PTPN6: variants seen among roughly 807,000 people sequenced by gnomAD.
PTPN6 encodes protein tyrosine phosphatase non-receptor type 6.
Under a neutral mutation model 81.5 loss-of-function variants are expected in PTPN6, and 18 were observed. The ratio of observed to expected loss-of-function variants is 0.22; its 90% CI spans 0.15 to 0.33. The LOEUF is 0.33. Ranked by LOEUF, PTPN6 falls within the 10% of genes least tolerant of loss-of-function variation. The pLI is 1.00. For synonymous variants in PTPN6, 301 were observed against 310.9 expected (o/e 0.97, Z 0.33); for missense variants, 500 against 794.2 (o/e 0.63, Z 4.45).
rs782489874 is a variant in PTPN6 at position 6,959,560 on chromosome 12, G to A, written c.1362-367G>A. The stretch of plus-strand genomic sequence containing the variant: ...AGAGACGCTCCATAACTCCTTCAGG[G>A]AGAGGCGGGGAGGGCTCAGGGTACC... On this transcript the variant is annotated intron_variant, in intron 11 of 15. Coordinates refer to ENST00000318974, the MANE Select transcript of PTPN6 (RefSeq NM_002831.6). The surrounding 1 kb of genome is among the most constrained non-coding windows in gnomAD (Gnocchi z 6.6). 1.1e-5 allele frequency: 5 copies of A among 457,714 alleles called. No homozygotes were observed. In the East Asian group the frequency reaches 2.1e-4, roughly 19 times the overall value. The allele number at this position is 457,714 out of a possible 1,614,324, so 28.4% of individuals were successfully genotyped here.
Position 6,955,889 on chromosome 12 carries a change from T to A in PTPN6, c.844+133T>A. The A allele has an allele frequency of 1.1e-6, 1 of 878,264 alleles. No individual in the cohort carries two copies. Among genetic ancestry groups the A allele is most frequent in the Non-Finnish European group, 1.8e-6 (1 of 557,520 alleles). The allele number at this position is 878,264 out of a possible 1,614,324, so 54.4% of individuals were successfully genotyped here. On this transcript the variant is annotated intron_variant, in intron 7 of 15. Transcript: ENST00000318974. The surrounding 1 kb of genome is among the most constrained non-coding windows in gnomAD (Gnocchi z 7.2). ...CACCCCCCACAGAGCCTCCCCCTTC[T>A]CCAAAAGGCCTCTACTCCTCCCAGA...
At chr12:6,948,278 T>C (rs1945860716), upstream of PTPN6, among the ~76,000 whole-genome samples, 1 of 151,872 alleles carries the variant, frequency 6.6e-6, no homozygotes, top group Non-Finnish European at 1.5e-5. Flanking sequence ...CTACTACTAC[T>C]ACTAATAAAT....
upstream of PTPN6, among the ~76,000 whole-genome samples, chr12:6,949,691 T>G (rs1358481790): frequency 1.3e-5 from 2 of 152,106 alleles, no homozygotes; most frequent in African/African-American, 4.8e-5. Flanking sequence ...GTTAAGCTCA[T>G]TTGTCAGGCG....
chr12:6,960,992 T>C lies in PTPN6; in HGVS notation c.*25+47T>C, dbSNP rs1459089762. The C allele has an allele frequency of 1.9e-6, 3 of 1,548,918 alleles. No individual in the cohort carries two copies. In the African/African-American group the frequency reaches 4.1e-5, roughly 21 times the overall value. ...GTCCTCCCTGCCCTGCCCTGTGTCC[T>C]TGGCTCCACTGCCTTCCCTGGGTGG... On this transcript the variant is annotated intron_variant, in intron 15 of 15. Coordinates refer to ENST00000318974, the MANE Select transcript of PTPN6 (RefSeq NM_002831.6). This position sits in a 1 kb window ranked among gnomAD's most constrained non-coding sequence, Gnocchi z 6.1.
rs1415133723 is a variant in PTPN6, at chr12:6,957,252, A to G, written c.1075-402A>G. Among the ~76,000 whole-genome samples, 1 of 152,212 alleles carries G rather than the reference A, an allele frequency of 6.6e-6. No homozygotes were observed. The highest frequency in any genetic ancestry group is 1.5e-5 in the Non-Finnish European group (1 of 68,022). ...TGTGAATCCAGGTCTTGTTTCCTCC[A>G]GGACCTAGAGGGAGAATTACGTCTT... On this transcript the variant is annotated intron_variant, in intron 9 of 15. Transcript: ENST00000318974. This position sits in a 1 kb window ranked among gnomAD's most constrained non-coding sequence, Gnocchi z 6.5.
At position 6,954,844 on chromosome 12, in the gene PTPN6, G is replaced by A. The variant is rs372601000; in HGVS notation, c.366G>A (p.Thr122=). 18 of 1,614,018 alleles carry A rather than the reference G, an allele frequency of 1.1e-5. No individual in the cohort carries two copies. The highest frequency in any genetic ancestry group is 2.2e-5 in the South Asian group (2 of 91,092). The part of the protein sequence containing the change: ...HGHMSGGQAE[T]LLQAKGEPWT... ...ACATGTCTGGCGGGCAGGCAGAGAC[G>A]CTGCTGCAGGCCAAGGGCGAGCCCT... Residue 122 remains threonine (T), a synonymous_variant, in exon 4 of 16, where the codon ACG becomes ACA. Transcript: ENST00000318974. This position sits in a 1 kb window ranked among gnomAD's most constrained non-coding sequence, Gnocchi z 5.4.
chr12:6,960,259 TGGGGGGGGGGGGGGCTGCA>T lies in PTPN6; in HGVS notation c.1581+22_1581+40del. ...CTGCAGGTGCGTGCAGAGCAGGGCC[TGGGGGGGGGGGGGGCTGCA>T]GTGCAGGATGGGTGCCACCTGGCCC... On this transcript the variant is annotated intron_variant, in intron 13 of 15. Transcript: ENST00000318974. This position sits in a 1 kb window ranked among gnomAD's most constrained non-coding sequence, Gnocchi z 6.1. The T allele has an allele frequency of 8.7e-7, 1 of 1,146,966 alleles. No homozygotes were observed. Among genetic ancestry groups the T allele is most frequent in the African/African-American group, 2.2e-5 (1 of 45,844 alleles). 71.0% of individuals were successfully genotyped at this position (1,146,966 alleles called of 1,614,324 possible). A position where few individuals can be genotyped will look rare whatever the true frequency, so the allele number is the denominator to read the frequency against.
Position 6,952,396 on chromosome 12 carries a change from C to T in PTPN6, c.326+219C>T. 2 of 616,496 alleles carry T rather than the reference C, an allele frequency of 3.2e-6. No homozygotes were observed. The highest frequency in any genetic ancestry group is 5.6e-5 in the East Asian group (2 of 35,514). 38.2% of individuals were successfully genotyped at this position (616,496 alleles called of 1,614,324 possible). The stretch of plus-strand genomic sequence containing the variant: ...CCCTTTCCACCTAACCCCGAGGAAG[C>T]CACAGAAAGCTGCCTCGCCCTACTC... On this transcript the variant is annotated intron_variant, in intron 3 of 15. Coordinates refer to ENST00000318974, the MANE Select transcript of PTPN6 (RefSeq NM_002831.6). This position sits in a 1 kb window ranked among gnomAD's most constrained non-coding sequence, Gnocchi z 8.1.
Position 6,960,902 on chromosome 12 carries a change from T to C in PTPN6, c.1770T>C (p.Gly590=). The change falls in exon 15 of 16, where the codon GGT becomes GGC. Residue 590 remains glycine, a synonymous_variant. Transcript: ENST00000318974. The surrounding 1 kb of genome is among the most constrained non-coding windows in gnomAD (Gnocchi z 6.1). ...CAGCAGACAAGGAGAAGAGCAAGGG[T>C]TCCCTCAAGAGGAAGTGAGCGGTGC... ...QRSADKEKSK[G]SLKRK 6.4e-7 allele frequency: 1 copy of C among 1,572,298 alleles called. No homozygotes were observed. Among genetic ancestry groups the C allele is most frequent in the Non-Finnish European group, 8.6e-7 (1 of 1,158,290 alleles).
chr12:6,960,620 C>A lies in PTPN6; in HGVS notation c.1673+185C>A. ...CACACGTGTGGGCCTCTGCTAGGTA[C>A]CAGCAGCGCACTCGTGTATGAGATG... On this transcript the variant is annotated intron_variant, in intron 14 of 15. Transcript: ENST00000318974. This position sits in a 1 kb window ranked among gnomAD's most constrained non-coding sequence, Gnocchi z 6.1. 1 of 1,511,730 alleles carries A rather than the reference C, an allele frequency of 6.6e-7. No individual in the cohort carries two copies. Among genetic ancestry groups the A allele is most frequent in the Non-Finnish European group, 9.0e-7 (1 of 1,111,828 alleles). The allele number at this position is 1,511,730 out of a possible 1,614,324, so 93.6% of individuals were successfully genotyped here.
rs1946095768 is a variant in PTPN6 at position 6,959,802 on chromosome 12, A to T, written c.1362-125A>T. 13 of 1,026,646 alleles carry T rather than the reference A, an allele frequency of 1.3e-5. No homozygotes were observed. In the South Asian group the frequency reaches 1.5e-4, roughly 12 times the overall value. 63.6% of individuals were successfully genotyped at this position (1,026,646 alleles called of 1,614,324 possible). ...TCACTTGCCCGGTGACCCTGGGCAC[A>T]TTCCCTCCCATCACTGGAGGCTCAG... is the stretch of plus-strand genomic sequence containing the variant. On this transcript the variant is annotated intron_variant, in intron 11 of 15. Transcript: ENST00000318974. The surrounding 1 kb of genome is among the most constrained non-coding windows in gnomAD (Gnocchi z 6.6).
chr12:6,961,049 C>T, intron 15 of PTPN6, 77 bp from the exon 16 acceptor site: 1 of 1,502,316 alleles, frequency 6.7e-7, no homozygotes, highest in South Asian at 1.2e-5. Context: ...TCTGTGCTTC[C>T]CAGCTGCCCC....
At chr12:6,950,483 CA>C (rs1401939773), upstream of PTPN6, among the ~76,000 whole-genome samples, 1 of 148,682 alleles carries the variant, frequency 6.7e-6, no homozygotes, top group Non-Finnish European at 1.5e-5. Flanking sequence ...CCCAGCCCCC[CA>C]GGAGATAGGC....
chr12:6,948,809 T>C (rs1555147237), upstream of PTPN6, among the ~76,000 whole-genome samples: 1 of 151,286 alleles, frequency 6.6e-6, no homozygotes, highest in African/African-American at 2.4e-5. Flanking sequence ...GCTGGCACAG[T>C]GGTGCGCACC....
Position 6,957,858 on chromosome 12 carries a change from G to A in PTPN6, c.1207-61G>A, listed in dbSNP as rs1946059879. The A allele has an allele frequency of 6.2e-7, 1 of 1,614,022 alleles. No homozygotes were observed. Among genetic ancestry groups the A allele is most frequent in the Non-Finnish European group, 8.5e-7 (1 of 1,179,986 alleles). On this transcript the variant is annotated intron_variant, in intron 10 of 15. Coordinates refer to ENST00000318974, the MANE Select transcript of PTPN6 (RefSeq NM_002831.6). This position sits in a 1 kb window ranked among gnomAD's most constrained non-coding sequence, Gnocchi z 6.5. Reference sequence around the variant, plus strand: ...CTTGTTCTCCTCTCTGGTCGGGTAGGGTGAGATGGATGAGGTGTTCCGAGA... The same window carrying A: ...CTTGTTCTCCTCTCTGGTCGGGTAGAGTGAGATGGATGAGGTGTTCCGAGA...
Position 6,955,692 on chromosome 12 carries a change from C to T in PTPN6, c.780C>T (p.His260=), listed in dbSNP as rs1555148535. The T allele has an allele frequency of 2.5e-6, 4 of 1,613,992 alleles. No individual in the cohort carries two copies. Among genetic ancestry groups the T allele is most frequent in the Non-Finnish European group, 1.7e-6 (2 of 1,179,988 alleles). The change falls in exon 7 of 16, where the codon CAC becomes CAT. Residue 260 remains histidine (H), a synonymous_variant. Transcript: ENST00000318974. This position sits in a 1 kb window ranked among gnomAD's most constrained non-coding sequence, Gnocchi z 7.2. ...AGAAGCAGGAGGTGAAGAACTTGCA[C>T]CAGCGTCTGGAAGGGCAGCGGCCAG... ...SLQKQEVKNL[H]QRLEGQRPEN...
At position 6,956,108 on chromosome 12, in the gene PTPN6, C is replaced by A; in HGVS notation, c.845-34C>A. 1 of 1,611,376 alleles carries A rather than the reference C, an allele frequency of 6.2e-7. No homozygotes were observed. Among genetic ancestry groups the A allele is most frequent in the South Asian group, 1.1e-5 (1 of 91,012 alleles). On this transcript the variant is annotated intron_variant, in intron 7 of 15. Coordinates refer to ENST00000318974, the MANE Select transcript of PTPN6 (RefSeq NM_002831.6). The surrounding 1 kb of genome is among the most constrained non-coding windows in gnomAD (Gnocchi z 4.1). ...AGGTGTGGTGAGTCCCTGGCTAACC[C>A]AGACCATCTCGCCTCCTCTCCGCCC...
chr12:6,947,688 GAA>G (rs1446800816), upstream of PTPN6, among the ~76,000 whole-genome samples: 1 of 139,096 alleles, frequency 7.2e-6, no homozygotes, highest in Non-Finnish European at 1.6e-5. Flanking sequence ...AAAAAAAAAA[GAA>G]AATGAACCAG....
chr12:6,959,894 C>G lies in PTPN6; in HGVS notation c.1362-33C>G. ...ACCCCCCTTCCCGGGGAGGGCTTGACTGGCCTCTGATGGCACCCCCGTCTT... is the reference window on the plus strand; with the variant it reads ...ACCCCCCTTCCCGGGGAGGGCTTGAGTGGCCTCTGATGGCACCCCCGTCTT... On this transcript the variant is annotated intron_variant, in intron 11 of 15. Coordinates refer to ENST00000318974, the MANE Select transcript of PTPN6 (RefSeq NM_002831.6). This position sits in a 1 kb window ranked among gnomAD's most constrained non-coding sequence, Gnocchi z 6.6. 2.5e-6 allele frequency: 4 copies of G among 1,610,038 alleles called. No individual in the cohort carries two copies. The highest frequency in any genetic ancestry group is 2.2e-5 in the South Asian group (2 of 90,978).
Sources: allele counts gnomAD v4.1 joint callset (sites outside exome capture counted in the v4.1 genomes callset), GRCh38; gene constraint gnomAD v4.1.1; non-coding constraint Gnocchi (gnomAD v3.1); transcripts MANE v1.5; gene names NCBI Gene and HGNC (gene_info 2026-07-23, HGNC 2026-07-21).